RAB38: variants seen among roughly 807,000 people sequenced by gnomAD.
RAB38 encodes RAB38, member RAS oncogene family, also known as ras-related protein Rab-38.
RAB38 carries 15 observed loss-of-function variants against 18.4 expected under a neutral mutation model. The ratio of observed to expected loss-of-function variants is 0.82; its 90% CI spans 0.55 to 1.26. RAB38 has a LOEUF of 1.26. Among genes scored for constraint, RAB38 ranks in the 50% most tolerant of loss-of-function variants. The pLI is 0.00. For missense variants in RAB38, 294 were observed against 267.4 expected (o/e 1.10, Z -0.69); for synonymous variants, 101 against 104.4 (o/e 0.97, Z 0.20).
At chr11:88,143,658 C>T (rs934554370) in intron 2 of RAB38, among the ~76,000 whole-genome samples, 4 of 152,152 alleles carry the variant, frequency 2.6e-5, no homozygotes, top group East Asian at 1.9e-4. Context: ...ATGCAAAACA[C>T]GACTTTGAGC....
At chr11:88,063,507 C>T in the RAB38 span, among the ~76,000 whole-genome samples, 8 of 152,172 alleles carry the variant, frequency 5.3e-5, no homozygotes, top group African/African-American at 1.7e-4. Flanking sequence ...AGCAAAAGAG[C>T]CCCTGTCAGA....
the RAB38 span, among the ~76,000 whole-genome samples, chr11:87,838,936 G>T: frequency 6.6e-6 from 1 of 152,168 alleles, no homozygotes; most frequent in South Asian, 2.1e-4. Flanking sequence ...CAGGTAACTT[G>T]TTCAAACTTC....
the RAB38 span, among the ~76,000 whole-genome samples, chr11:87,854,402 T>C: frequency 6.6e-6 from 1 of 152,204 alleles, no homozygotes. Flanking sequence ...TTTTTATTTC[T>C]CTTCTCATGT....
the RAB38 span, among the ~76,000 whole-genome samples, chr11:88,004,028 AT>A: frequency 7.2e-6 from 1 of 138,492 alleles, no homozygotes; most frequent in African/African-American, 2.6e-5. Flanking sequence ...CTTCTCTTCT[AT>A]TTTATATATA....
the RAB38 span, among the ~76,000 whole-genome samples, chr11:88,021,739 G>A: frequency 2.9e-4 from 43 of 147,592 alleles, no homozygotes; most frequent in African/African-American, 9.9e-4. Flanking sequence ...ACAGACCTAC[G>A]CTCAACTAAT....
At chr11:87,887,383 AACTG>A in the RAB38 span, among the ~76,000 whole-genome samples, 16 of 152,096 alleles carry the variant, frequency 1.1e-4, no homozygotes, top group Middle Eastern at 3.4e-3. Context: ...ATTTTCCAGA[AACTG>A]ACTAATACTT....
the RAB38 span, among the ~76,000 whole-genome samples, chr11:87,911,315 A>G: frequency 6.6e-6 from 1 of 152,088 alleles, no homozygotes; most frequent in Non-Finnish European, 1.5e-5. Flanking sequence ...CTCTATAAAA[A>G]GCCTATGGAG....
the RAB38 span, among the ~76,000 whole-genome samples, chr11:88,042,298 T>C: frequency 6.6e-6 from 1 of 152,210 alleles, no homozygotes; most frequent in Non-Finnish European, 1.5e-5. Flanking sequence ...AGCCGGTTCC[T>C]GCACACAGCC....
the RAB38 span, among the ~76,000 whole-genome samples, chr11:87,929,322 G>C: frequency 1.3e-5 from 2 of 151,264 alleles, no homozygotes; most frequent in African/African-American, 4.9e-5. Flanking sequence ...TTTAGCATGG[G>C]CATCTTTTCA....
the RAB38 span, among the ~76,000 whole-genome samples, chr11:87,875,879 A>G: frequency 6.6e-6 from 1 of 151,614 alleles, no homozygotes; most frequent in African/African-American, 2.4e-5. Flanking sequence ...GGATTCTTTT[A>G]GATGTTCTAT....
At chr11:87,873,052 G>C in the RAB38 span, among the ~76,000 whole-genome samples, 2 of 151,560 alleles carry the variant, frequency 1.3e-5, no homozygotes, top group Non-Finnish European at 3.0e-5. Flanking sequence ...TCATAGTTGT[G>C]CAACTTTGTA....
At chr11:87,930,197 C>T in the RAB38 span, among the ~76,000 whole-genome samples, 6 of 152,102 alleles carry the variant, frequency 3.9e-5, no homozygotes, top group African/African-American at 1.4e-4. Context: ...TAAAAGTGTT[C>T]CTATTTCTCC....
the RAB38 span, among the ~76,000 whole-genome samples, chr11:88,011,579 G>T: frequency 3.6e-4 from 55 of 152,254 alleles, no homozygotes; most frequent in East Asian, 1.2e-3. Context: ...GACTGAAATA[G>T]CAAGATTTCC....
At chr11:87,853,009 A>G in the RAB38 span, among the ~76,000 whole-genome samples, 1 of 152,192 alleles carries the variant, frequency 6.6e-6, no homozygotes, top group Non-Finnish European at 1.5e-5. Context: ...TAACAAAAAT[A>G]TATGTGATAA....
chr11:87,947,324 C>T, the RAB38 span, among the ~76,000 whole-genome samples: 1 of 151,920 alleles, frequency 6.6e-6, no homozygotes, highest in African/African-American at 2.4e-5. Context: ...AAAATTTTCT[C>T]CCATTCTGTA....
At chr11:88,081,179 T>C in the RAB38 span, among the ~76,000 whole-genome samples, 1 of 151,920 alleles carries the variant, frequency 6.6e-6, no homozygotes, top group African/African-American at 2.4e-5. Flanking sequence ...GAAACAGTCA[T>C]ATATTGTTGG....
the RAB38 span, among the ~76,000 whole-genome samples, chr11:87,819,411 T>G: frequency 6.7e-6 from 1 of 149,610 alleles, no homozygotes; most frequent in East Asian, 1.9e-4. Context: ...AACAGGCCAC[T>G]GAAAAACGAG....
the RAB38 span, among the ~76,000 whole-genome samples, chr11:88,004,222 A>C: frequency 5.3e-5 from 8 of 150,592 alleles, no homozygotes; most frequent in South Asian, 1.7e-3. Flanking sequence ...CTTCGTGAAT[A>C]CAGATTTAAA....
At chr11:88,128,935 T>C (rs1942735904) in intron 2 of RAB38, among the ~76,000 whole-genome samples, 1 of 152,136 alleles carries the variant, frequency 6.6e-6, no homozygotes, top group African/African-American at 2.4e-5. Flanking sequence ...GAGGAATGGT[T>C]GGGAGGAGGA....
Sources: gnomAD v4.1 joint callset for allele counts (sites outside exome capture counted in the v4.1 genomes callset) on GRCh38, gnomAD v4.1.1 for gene constraint, MANE v1.5 for transcripts, NCBI Gene and HGNC (gene_info 2026-07-23, HGNC 2026-07-21) for gene names.